Variants in ORC4 observed in about 807,000 individuals in gnomAD.
ORC4 encodes origin recognition complex, subunit 4 homolog.
Under a neutral mutation model 63.9 loss-of-function variants are expected in ORC4, and 55 were observed. The ratio of observed to expected loss-of-function variants is 0.86; its 90% confidence interval spans 0.69 to 1.08. The LOEUF (loss-of-function observed/expected upper bound fraction) is 1.08. Ranked by LOEUF, ORC4 falls within the 50% of genes least tolerant of loss-of-function variation. The pLI, the probability that ORC4 is intolerant of heterozygous loss-of-function variation, is 0.00. For missense variants in ORC4, 511 were observed against 504.4 expected, an observed-to-expected ratio of 1.01 and a Z score of -0.13; for synonymous variants, 150 against 168.5, an observed-to-expected ratio of 0.89 and a Z score of 0.85.
intron 1 of ORC4, among the ~76,000 whole-genome samples, chr2:147,996,212 G>A (rs145035579): frequency 0.021 from 3,180 of 152,226 alleles, 55 homozygotes; most frequent in Non-Finnish European, 0.029. Context: ...GCTGAGGCAG[G>A]AGAACCACTT....
intron 10 of ORC4, among the ~76,000 whole-genome samples, chr2:147,942,522 A>G (rs1275876136): frequency 1.3e-5 from 2 of 152,158 alleles, no homozygotes; most frequent in Non-Finnish European, 2.9e-5. Flanking sequence ...ACGATCGAGA[A>G]TAAGCATTTG....
At chr2:147,961,438 GAA>G (rs11296909) in intron 4 of ORC4, among the ~76,000 whole-genome samples, 15 of 127,384 alleles carry the variant, frequency 1.2e-4, no homozygotes, top group Admixed American at 2.3e-4. Context: ...CTCTGTCAAA[GAA>G]AAAAAAAAAA....
At chr2:147,969,272 TAGA>T (rs1690071432) in intron 4 of ORC4, among the ~76,000 whole-genome samples, 1 of 152,010 alleles carries the variant, frequency 6.6e-6, no homozygotes, top group African/African-American at 2.4e-5. Flanking sequence ...TTCCAATAGC[TAGA>T]AGAAGGATAC....
chr2:148,009,455 C>T (rs1021538539), intron 1 of ORC4, among the ~76,000 whole-genome samples: 1 of 151,696 alleles, frequency 6.6e-6, no homozygotes, highest in Admixed American at 6.6e-5. Context: ...AAATAGATTT[C>T]AACATAAAAA....
intron 1 of ORC4, among the ~76,000 whole-genome samples, chr2:147,984,149 CCTGTTTAGTTA>C (rs1691054441): frequency 6.6e-6 from 1 of 152,056 alleles, no homozygotes; most frequent in Non-Finnish European, 1.5e-5. Context: ...ACAGAAATTA[CCTGTTTAGTTA>C]CACCCAGTGT....
At chr2:147,978,501 C>G (rs1419001665) in intron 1 of ORC4, among the ~76,000 whole-genome samples, 3 of 152,204 alleles carry the variant, frequency 2.0e-5, no homozygotes, top group Non-Finnish European at 1.5e-5. Flanking sequence ...AAAGCTTGAC[C>G]CAGGGATTCA....
chr2:147,958,222 G>A lies in ORC4; in HGVS notation c.387+76C>T, dbSNP rs1689372353. ...TTCTGAACCTCTCCCTACCCTTCCAGAAATATAAAAATATACATGGTATAA... is the reference window on the plus strand; with the variant it reads ...TTCTGAACCTCTCCCTACCCTTCCAAAAATATAAAAATATACATGGTATAA... On this transcript the variant is annotated intron_variant, in intron 6 of 13. Transcript: ENST00000392857. 4.2e-6 allele frequency: 4 copies of A among 944,944 alleles called. No individual in the cohort carries two copies. In the South Asian group the frequency reaches 4.4e-5, roughly 10 times the overall value. The allele number at this position is 944,944 out of a possible 1,614,324, so 58.5% of individuals were successfully genotyped here. A position where few individuals can be genotyped will look rare whatever the true frequency, so the allele number is the denominator to read the frequency against.
intron 8 of ORC4, among the ~76,000 whole-genome samples, chr2:147,948,488 A>G (rs542167520): frequency 6.6e-6 from 1 of 152,136 alleles, no homozygotes; most frequent in African/African-American, 2.4e-5. Context: ...ATGACTGTTT[A>G]AAAAAACTGA....
intron 5 of ORC4, 44 bp from the exon 6 acceptor site, chr2:147,958,427 T>C (rs1267538845): frequency 7.1e-7 from 1 of 1,401,970 alleles, no homozygotes; most frequent in Admixed American, 1.7e-5. Flanking sequence ...AAATTAAACA[T>C]GTATTTGATA....
chr2:147,975,342 AGGGC>A (rs1282489090), intron 2 of ORC4, among the ~76,000 whole-genome samples: 2 of 152,134 alleles, frequency 1.3e-5, no homozygotes, highest in Admixed American at 1.3e-4. Flanking sequence ...AACTTAATAA[AGGGC>A]ATCTACAAAA....
At chr2:147,987,388 A>G (rs1224679036) in intron 1 of ORC4, among the ~76,000 whole-genome samples, 1 of 140,392 alleles carries the variant, frequency 7.1e-6, no homozygotes, top group Non-Finnish European at 1.6e-5. Flanking sequence ...GTGTGTATAT[A>G]TATACACACA....
In ORC4 at chr2:147,930,436, T is replaced by A. The variant is rs1216352947; in HGVS notation, c.*5074A>T. On this transcript the variant is annotated 3_prime_UTR_variant, in exon 14 of 14. Transcript: ENST00000392857. ...CTTTTATACTTTTTTGAAAGATTACTTTTTAGGAACATTTGGTATGATATG... is the reference window on the plus strand; with the variant it reads ...CTTTTATACTTTTTTGAAAGATTACATTTTAGGAACATTTGGTATGATATG... 6.6e-6 allele frequency: 1 copy of A among 152,248 alleles called. No homozygotes were observed. The highest frequency in any genetic ancestry group is 1.5e-5 in the Non-Finnish European group (1 of 67,922). The allele number at this position is 152,248 out of a possible 1,614,324, so 9.4% of individuals were successfully genotyped here.
chr2:148,004,661 T>C (rs1355980363), intron 1 of ORC4, among the ~76,000 whole-genome samples: 1 of 151,978 alleles, frequency 6.6e-6, no homozygotes, highest in Non-Finnish European at 1.5e-5. Flanking sequence ...AAAAACTCTA[T>C]AAGAAAACCT....
Position 147,933,400 on chromosome 2 carries a change from A to G in ORC4, c.*2110T>C, listed in dbSNP as rs538638237. 63 of 152,240 alleles carry G rather than the reference A, an allele frequency of 4.1e-4. No individual in the cohort carries two copies. The highest frequency in any genetic ancestry group is 1.4e-3 in the African/African-American group (59 of 41,572). 9.4% of individuals were successfully genotyped at this position (152,240 alleles called of 1,614,324 possible). On this transcript the variant is annotated 3_prime_UTR_variant, in exon 14 of 14. Transcript: ENST00000392857. ...ACAAGCAGCACTGTTCCTCCCCACAAAAATGCCTTGGGAATATAATAGGCG... is the reference window on the plus strand; with the variant it reads ...ACAAGCAGCACTGTTCCTCCCCACAGAAATGCCTTGGGAATATAATAGGCG...
intron 4 of ORC4, among the ~76,000 whole-genome samples, chr2:147,970,811 T>C (rs1169105576): frequency 1.3e-5 from 2 of 151,954 alleles, no homozygotes; most frequent in South Asian, 2.1e-4. Context: ...TAATACATGA[T>C]AGAAAAAACT....
In ORC4 at chr2:147,988,870, G is replaced by A. The variant is rs184723345; in HGVS notation, c.-17-12895C>T. ...AGAAACTGCTTTTTAGAAGAAATTTGTGTTATAGGGCATTTTGAAAATGTT... is the reference window on the plus strand; with the variant it reads ...AGAAACTGCTTTTTAGAAGAAATTTATGTTATAGGGCATTTTGAAAATGTT... On this transcript the variant is annotated intron_variant, in intron 1 of 13. Transcript: ENST00000392857. Among the ~76,000 whole-genome samples the A allele has an allele frequency of 3.6e-3, 540 of 151,440 alleles. 2 individuals carry two copies. Among genetic ancestry groups the A allele is most frequent in the Non-Finnish European group, 5.4e-3 (367 of 67,842 alleles).
chr2:147,976,335 T>C (rs1470375302), intron 1 of ORC4, among the ~76,000 whole-genome samples: 1 of 152,196 alleles, frequency 6.6e-6, no homozygotes, highest in African/African-American at 2.4e-5. Context: ...TATTTTCAAA[T>C]TAAGGTATGT....
At chr2:147,992,255 G>A (rs1691661326) in intron 1 of ORC4, among the ~76,000 whole-genome samples, 2 of 152,050 alleles carry the variant, frequency 1.3e-5, no homozygotes, top group Non-Finnish European at 2.9e-5. Context: ...TTGAATCAAC[G>A]AAAACTTTTT....
chr2:147,982,841 A>G (rs1481038112), intron 1 of ORC4, among the ~76,000 whole-genome samples: 2 of 152,208 alleles, frequency 1.3e-5, no homozygotes, highest in Admixed American at 6.5e-5. Context: ...TGCAAACCAC[A>G]TATCTGACAA....
Sources: allele counts gnomAD v4.1 joint callset (sites outside exome capture counted in the v4.1 genomes callset), GRCh38; gene constraint gnomAD v4.1.1; transcripts MANE v1.5; gene names NCBI Gene and HGNC (gene_info 2026-07-23, HGNC 2026-07-21).